Variants in PCDHA1 observed in about 807,000 individuals in gnomAD.
PCDHA1 encodes the protein protocadherin alpha 1, also known as protocadherin alpha-1.
In PCDHA1, 42 loss-of-function variants were observed where a neutral mutation model predicts 61.3. The observed-to-expected ratio is 0.69, with a 90% CI of 0.54 to 0.89. PCDHA1 has a LOEUF of 0.89. Ranked by LOEUF, PCDHA1 falls within the 40% of genes least tolerant of loss-of-function variation. The pLI is 0.00. For synonymous variants in PCDHA1, 610 were observed against 553.8 expected (o/e 1.10, Z -1.43); for missense variants, 1,256 against 1,235.3 (o/e 1.02, Z -0.25).
At chr5:140,877,926 G>T (rs1554170225) in intron 1 of PCDHA1, 1 of 1,415,760 alleles carries the variant, frequency 7.1e-7, no homozygotes, top group East Asian at 2.5e-5. Flanking sequence ...TTTTCTTTAT[G>T]ATTCTATCCT....
chr5:140,822,604 G>A, intron 1 of PCDHA1: 1 of 1,608,228 alleles, frequency 6.2e-7, no homozygotes, highest in Non-Finnish European at 8.5e-7. Context: ...TAAGGAAATA[G>A]TGTATTTCTT....
chr5:140,853,985 G>A (rs1007400515), intron 1 of PCDHA1: 2 of 520,646 alleles, frequency 3.8e-6, no homozygotes, highest in East Asian at 1.4e-4. Context: ...CCAATGTAGT[G>A]AGACTCATCT....
At position 140,843,305 on chromosome 5, in the gene PCDHA1, A is replaced by T. The variant is rs2150356964; in HGVS notation, c.2394+54621A>T. ...TCATGGTGAACCTGCGCTGACCGCCACGGCCACGGTTCTGGTGTCGCTGGT... is the reference window on the plus strand; with the variant it reads ...TCATGGTGAACCTGCGCTGACCGCCTCGGCCACGGTTCTGGTGTCGCTGGT... On this transcript the variant is annotated intron_variant, in intron 1 of 3. Coordinates refer to ENST00000504120, the MANE Select transcript of PCDHA1 (RefSeq NM_018900.4). 1.9e-6 allele frequency: 3 copies of T among 1,595,938 alleles called. No homozygotes were observed. In the East Asian group the frequency reaches 6.7e-5, roughly 36 times the overall value.
At position 140,807,432 on chromosome 5, in the gene PCDHA1, G is replaced by T. The variant is rs1554124011; in HGVS notation, c.2394+18748G>T. The T allele has an allele frequency of 1.9e-6, 3 of 1,599,340 alleles. No individual in the cohort carries two copies. The South Asian group carries it at 3.3e-5, about 18-fold the overall frequency. On this transcript the variant is annotated intron_variant, in intron 1 of 3. Coordinates refer to ENST00000504120, the MANE Select transcript of PCDHA1 (RefSeq NM_018900.4). ...CTTCTGGAGGTAAATCTGCAGAATG[G>T]CATTTTGTTTGTGAATTCTCGGATC...
chr5:140,788,934 G>C, intron 1 of PCDHA1: 1 of 745,070 alleles, frequency 1.3e-6, no homozygotes, highest in East Asian at 3.0e-5. Context: ...TACAATACAA[G>C]GTACAATAAA....
At chr5:140,870,755 A>G in intron 1 of PCDHA1, 3 of 1,613,522 alleles carry the variant, frequency 1.9e-6, no homozygotes, top group Non-Finnish European at 2.5e-6. Flanking sequence ...GTGACGCTGC[A>G]GGTGTTCGTG....
At chr5:140,970,597 TA>T (rs2096419556) in intron 1 of PCDHA1, among the ~76,000 whole-genome samples, 4 of 152,198 alleles carry the variant, frequency 2.6e-5, no homozygotes, top group Non-Finnish European at 5.9e-5. Context: ...TGCTTTGTGA[TA>T]CTTAAAACTT....
At chr5:140,801,681 A>T in intron 1 of PCDHA1, 2 of 1,614,248 alleles carry the variant, frequency 1.2e-6, no homozygotes, top group South Asian at 2.2e-5. Context: ...AGATGCAGAT[A>T]TCGGAACAAA....
intron 1 of PCDHA1, among the ~76,000 whole-genome samples, chr5:140,800,187 A>ATATATT (rs1201565485): frequency 2.0e-5 from 3 of 152,098 alleles, no homozygotes. Flanking sequence ...GAAAAATTAA[A>ATATATT]CCTAATATAT....
At chr5:140,884,014 G>A (rs1582743653) in intron 1 of PCDHA1, 1 of 1,613,168 alleles carries the variant, frequency 6.2e-7, no homozygotes, top group Non-Finnish European at 8.5e-7. Context: ...AGCTGATGCC[G>A]CGGTCGGTGG....
chr5:140,795,699 A>T, intron 1 of PCDHA1: 3 of 1,614,148 alleles, frequency 1.9e-6, no homozygotes, highest in Middle Eastern at 1.6e-4. Context: ...TTGCCCAATC[A>T]GTTTACAAAG....
chr5:140,990,814 T>A (rs1184527701), intron 3 of PCDHA1, among the ~76,000 whole-genome samples: 1 of 152,184 alleles, frequency 6.6e-6, no homozygotes, highest in Non-Finnish European at 1.5e-5. Context: ...GAAGCTCCCT[T>A]CTCTCAGCTA....
At chr5:140,968,986 A>ATGCTGTGGAGGC (rs782197469) in intron 1 of PCDHA1, 25 of 1,614,206 alleles carry the variant, frequency 1.5e-5, no homozygotes, top group Non-Finnish European at 1.9e-5. Flanking sequence ...ATGGCACTGC[A>ATGCTGTGGAGGC]TGCTGTGGAG....
At chr5:140,989,546 CT>C (rs1343132361) in intron 3 of PCDHA1, among the ~76,000 whole-genome samples, 1 of 152,140 alleles carries the variant, frequency 6.6e-6, no homozygotes, top group African/African-American at 2.4e-5. Context: ...TTTGTAATTC[CT>C]TTACGTTTTG....
chr5:140,827,934 A>C, intron 1 of PCDHA1: 104 of 1,010,174 alleles, frequency 1.0e-4, no homozygotes, highest in Middle Eastern at 2.8e-4. Context: ...ATGAAGTTAT[A>C]GCTAGCCAAC....
chr5:140,848,601 C>T (rs2150414189), intron 1 of PCDHA1: 4 of 1,593,618 alleles, frequency 2.5e-6, no homozygotes, highest in Admixed American at 3.4e-5. Context: ...CTACTCCGTC[C>T]CGGAGGAAGC....
intron 1 of PCDHA1, among the ~76,000 whole-genome samples, chr5:140,794,213 TAC>T (rs1761841343): frequency 6.6e-6 from 1 of 152,230 alleles, no homozygotes; most frequent in African/African-American, 2.4e-5. Context: ...TGTCACATGT[TAC>T]AATATGGATG....
At chr5:141,008,704 T>C (rs1485324733) in intron 3 of PCDHA1, among the ~76,000 whole-genome samples, 1 of 152,236 alleles carries the variant, frequency 6.6e-6, no homozygotes, top group East Asian at 1.9e-4. Context: ...AGTTGGTTTC[T>C]AGTTGCTTGA....
chr5:140,858,610 T>G, intron 1 of PCDHA1: 1 of 1,234,746 alleles, frequency 8.1e-7, no homozygotes, highest in Non-Finnish European at 1.1e-6. Flanking sequence ...TAAAATTTTT[T>G]TATCCTACCC....
Sources: gnomAD v4.1 joint callset for allele counts (sites outside exome capture counted in the v4.1 genomes callset) on GRCh38, gnomAD v4.1.1 for gene constraint, MANE v1.5 for transcripts, NCBI Gene and HGNC (gene_info 2026-07-23, HGNC 2026-07-21) for gene names.